HMMR: variants seen among roughly 807,000 people sequenced by gnomAD.
HMMR encodes hyaluronan mediated motility receptor.
HMMR carries 108 observed loss-of-function variants against 101.0 expected under a neutral mutation model. The ratio of observed to expected loss-of-function variants is 1.07; its 90% CI spans 0.92 to 1.25. HMMR has a LOEUF of 1.25. HMMR is among the 50% of genes most tolerant of loss of function. The pLI is 0.00. For synonymous variants in HMMR, 296 were observed against 276.4 expected, an observed-to-expected ratio of 1.07 and a Z score of -0.70; for missense variants, 813 against 788.7, an observed-to-expected ratio of 1.03 and a Z score of -0.37.
intron 3 of HMMR, among the ~76,000 whole-genome samples, chr5:163,465,811 A>C (rs1758685700): frequency 6.6e-6 from 1 of 151,862 alleles, no homozygotes; most frequent in African/African-American, 2.4e-5. Context: ...AAATACAAAA[A>C]TGTGCTGGAC....
At chr5:163,467,489 G>A (rs1282778690) in intron 3 of HMMR, among the ~76,000 whole-genome samples, 2 of 152,132 alleles carry the variant, frequency 1.3e-5, no homozygotes, top group African/African-American at 4.8e-5. Context: ...CTGATTTATT[G>A]GGTTGAAAAT....
At chr5:163,475,382 GTAC>G (rs1759034230) in intron 10 of HMMR, 73 bp from the exon 11 acceptor site, 8 of 723,550 alleles carry the variant, frequency 1.1e-5, no homozygotes, top group Non-Finnish European at 1.8e-5. Context: ...TTCTTTATCT[GTAC>G]TTTTTTTTGT....
chr5:163,475,298 A>C (rs997793767), intron 10 of HMMR, among the ~76,000 whole-genome samples, 160 bp from the exon 11 acceptor site: 9 of 152,146 alleles, frequency 5.9e-5, no homozygotes, highest in Non-Finnish European at 1.3e-4. Context: ...TATAGGAAAT[A>C]ATCTATGAAA....
chr5:163,476,756 G>A (rs190644646), intron 11 of HMMR, among the ~76,000 whole-genome samples: 193 of 152,286 alleles, frequency 1.3e-3, no homozygotes, highest in African/African-American at 3.6e-3. Flanking sequence ...TTGGCTGGGT[G>A]CGGTGGCTCA....
intron 4 of HMMR, among the ~76,000 whole-genome samples, chr5:163,468,274 AAG>A (rs1245487303): frequency 6.6e-6 from 1 of 152,226 alleles, no homozygotes; most frequent in Non-Finnish European, 1.5e-5. Context: ...TAAATTAAAT[AAG>A]AACTCAATTC....
rs1485948387 is a variant in HMMR, at chr5:163,465,924, G to A, written c.225+1122G>A. ...TGCAGTCAGCCAAGGTGGTGCCACT[G>A]TACTCCAGCCTGGGCAACAGAGCGA... On this transcript the variant is annotated intron_variant, in intron 3 of 17. Coordinates refer to ENST00000393915, the MANE Select transcript of HMMR (RefSeq NM_001142556.2). Among the ~76,000 whole-genome samples, 3 of 143,698 alleles carry A rather than the reference G, an allele frequency of 2.1e-5. No homozygotes were observed. The Admixed American group carries it at 2.1e-4, about 10-fold the overall frequency. 94.3% of individuals were successfully genotyped at this position (143,698 alleles called of 152,430 possible).
chr5:163,481,747 C>A (rs1219135473), intron 12 of HMMR, among the ~76,000 whole-genome samples: 1 of 152,140 alleles, frequency 6.6e-6, no homozygotes, highest in Non-Finnish European at 1.5e-5. Flanking sequence ...GATCTTGTGT[C>A]TTTCCATTGC....
chr5:163,489,844 G>A (rs1250290529), intron 16 of HMMR, among the ~76,000 whole-genome samples: 1 of 152,160 alleles, frequency 6.6e-6, no homozygotes, highest in Non-Finnish European at 1.5e-5. Flanking sequence ...CGGAGTTGGG[G>A]GAAAAGAGGG....
In HMMR at chr5:163,473,539, C is replaced by G. The variant is rs750944884; in HGVS notation, c.886C>G (p.Leu296Val). ...QVEDLNVKCQ[L>V]LEKEKEDHVN... ...AGAAGATCTAAATGTGAAATGTCAG[C>G]TGCTTGAAAAAGAAAAAGGTATTAC... Residue 296 changes from leucine (L) to valine (V), a missense_variant, in exon 9 of 18, where the codon CTG becomes GTG. Leu to Val is a conservative substitution (Grantham distance 32, BLOSUM62 1). Coordinates refer to ENST00000393915, the MANE Select transcript of HMMR (RefSeq NM_001142556.2). 3 of 1,570,480 alleles carry G rather than the reference C, an allele frequency of 1.9e-6. No homozygotes were observed. In the African/African-American group the frequency reaches 4.1e-5, roughly 22 times the overall value.
intron 9 of HMMR, 76 bp from the exon 10 acceptor site, chr5:163,473,981 T>C (rs1236897528): frequency 4.3e-6 from 5 of 1,166,808 alleles, no homozygotes; most frequent in Non-Finnish European, 6.2e-6. Context: ...TGTAATGGAA[T>C]ATTATGGGAG....
chr5:163,486,347 ACTTCT>A (rs1759475861), intron 16 of HMMR, among the ~76,000 whole-genome samples: 1 of 152,000 alleles, frequency 6.6e-6, no homozygotes, highest in Non-Finnish European at 1.5e-5. Context: ...TAAGTTTTCC[ACTTCT>A]CTTGTTAAAT....
At chr5:163,467,844 C>A in intron 4 of HMMR, 96 bp downstream of exon 4, 1 of 743,296 alleles carries the variant, frequency 1.3e-6, no homozygotes. Flanking sequence ...GTGAGGAGTC[C>A]TGCAGTGAGG....
intron 4 of HMMR, among the ~76,000 whole-genome samples, chr5:163,468,243 T>C (rs904921644): frequency 6.6e-6 from 1 of 152,204 alleles, no homozygotes; most frequent in African/African-American, 2.4e-5. Context: ...ATATGGTAGC[T>C]ACTCACCACA....
At chr5:163,461,626 C>T (rs1017540766) in intron 1 of HMMR, among the ~76,000 whole-genome samples, 1 of 151,334 alleles carries the variant, frequency 6.6e-6, no homozygotes, top group Non-Finnish European at 1.5e-5. Context: ...ACTAAAAATA[C>T]AAAAAAAATT....
chr5:163,483,238 T>C lies in HMMR; in HGVS notation c.1686-30T>C, dbSNP rs967026856. ...TACGATGTGATTTTTTAAATAACTA[T>C]GTTTTTCTCAATTTAATTCTTCCAT... On this transcript the variant is annotated intron_variant, in intron 14 of 17. Transcript: ENST00000393915. The C allele has an allele frequency of 1.9e-6, 3 of 1,594,396 alleles. No homozygotes were observed. In the African/African-American group the frequency reaches 4.1e-5, roughly 22 times the overall value.
intron 3 of HMMR, among the ~76,000 whole-genome samples, chr5:163,465,422 C>T (rs1758666011): frequency 6.6e-6 from 1 of 152,128 alleles, no homozygotes; most frequent in Non-Finnish European, 1.5e-5. Flanking sequence ...CAGCCTCTGT[C>T]CCCACAGGCT....
chr5:163,482,539 T>G (rs1421180682), intron 12 of HMMR, 103 bp from the exon 13 acceptor site: 21 of 829,482 alleles, frequency 2.5e-5, no homozygotes, highest in South Asian at 2.0e-4. Flanking sequence ...CATTAAAAAC[T>G]TTTTAGTTTT....
intron 12 of HMMR, 36 bp from the exon 13 acceptor site, chr5:163,482,606 A>C: frequency 6.7e-7 from 1 of 1,487,324 alleles, no homozygotes; most frequent in African/African-American, 1.4e-5. Flanking sequence ...CGCAATAGTT[A>C]GAAAACTACT....
intron 17 of HMMR, among the ~76,000 whole-genome samples, chr5:163,490,823 A>C (rs191549524): frequency 1.3e-5 from 2 of 152,190 alleles, no homozygotes; most frequent in East Asian, 3.9e-4. Context: ...ACACACCCCA[A>C]ATTACTCCCT....
Sources: gnomAD v4.1 joint callset for allele counts (sites outside exome capture counted in the v4.1 genomes callset) on GRCh38, gnomAD v4.1.1 for gene constraint, MANE v1.5 for transcripts, NCBI Gene and HGNC (gene_info 2026-07-23, HGNC 2026-07-21) for gene names.